The following NBAS variants were observed in gnomAD, a reference collection of about 807,000 sequenced individuals.
The protein encoded by NBAS is NAG/BC035112 fusion.
A neutral mutation model predicts 302.5 loss-of-function variants in NBAS; 219 were observed. That is an observed-to-expected ratio of 0.72 (90% CI 0.65 to 0.81). The LOEUF (loss-of-function observed/expected upper bound fraction) is 0.81, where lower values mean the gene tolerates loss of function less well. NBAS is among the 30% of genes least tolerant of loss of function. NBAS has a pLI of 0.00. For missense variants in NBAS, 2,932 were observed against 2,841.6 expected, an observed-to-expected ratio of 1.03 and a Z score of -0.72; for synonymous variants, 1,118 against 1,021.6, an observed-to-expected ratio of 1.09 and a Z score of -1.80.
chr2:14,937,702 T>G, the NBAS span, among the ~76,000 whole-genome samples: 1 of 152,098 alleles, frequency 6.6e-6, no homozygotes. Context: ...CTATTGTTAT[T>G]CTTGAGAACT....
chr2:15,062,223 T>C, the NBAS span, among the ~76,000 whole-genome samples: 1 of 152,152 alleles, frequency 6.6e-6, no homozygotes, highest in Non-Finnish European at 1.5e-5. Flanking sequence ...GGCTTTACAA[T>C]CTCACCTGCC....
chr2:15,252,775 A>G (rs1003049510), intron 44 of NBAS, among the ~76,000 whole-genome samples: 1 of 152,178 alleles, frequency 6.6e-6, no homozygotes, highest in African/African-American at 2.4e-5. Flanking sequence ...AAACACTTTC[A>G]TACTCGCTAT....
chr2:15,431,884 T>C (rs1677783774), intron 21 of NBAS, among the ~76,000 whole-genome samples: 1 of 152,164 alleles, frequency 6.6e-6, no homozygotes, highest in African/African-American at 2.4e-5. Context: ...AATGTCATCA[T>C]TCTTTACATT....
At chr2:15,210,888 CAT>C (rs1314320108) in intron 48 of NBAS, among the ~76,000 whole-genome samples, 1 of 152,228 alleles carries the variant, frequency 6.6e-6, no homozygotes, top group Non-Finnish European at 1.5e-5. Flanking sequence ...ACAAACTTCA[CAT>C]GTTTTCACTT....
At chr2:14,883,277 C>T in the NBAS span, among the ~76,000 whole-genome samples, 1 of 152,148 alleles carries the variant, frequency 6.6e-6, no homozygotes, top group Non-Finnish European at 1.5e-5. Flanking sequence ...TCATATATTT[C>T]TAACTCATAC....
the NBAS span, among the ~76,000 whole-genome samples, chr2:14,785,811 G>A: frequency 5.3e-5 from 8 of 152,046 alleles, no homozygotes; most frequent in African/African-American, 1.9e-4. Context: ...GCCCAGCTTT[G>A]GTATCAGGAT....
At chr2:15,520,696 T>A (rs963421115) in intron 9 of NBAS, among the ~76,000 whole-genome samples, 2 of 152,204 alleles carry the variant, frequency 1.3e-5, no homozygotes, top group African/African-American at 4.8e-5. Flanking sequence ...GAAATTTGAA[T>A]TTCATATGAT....
At chr2:15,301,263 G>C (rs1670781452) in intron 40 of NBAS, among the ~76,000 whole-genome samples, 1 of 152,176 alleles carries the variant, frequency 6.6e-6, no homozygotes, top group South Asian at 2.1e-4. Context: ...CTTTTTACCA[G>C]AGTAACCTTG....
chr2:14,972,224 C>T, the NBAS span, among the ~76,000 whole-genome samples: 1 of 152,190 alleles, frequency 6.6e-6, no homozygotes, highest in South Asian at 2.1e-4. Context: ...ACTGCATGTT[C>T]TTACTCATAA....
the NBAS span, among the ~76,000 whole-genome samples, chr2:14,823,002 G>A: frequency 1.3e-5 from 2 of 152,182 alleles, no homozygotes; most frequent in Admixed American, 1.3e-4. Context: ...CCAAAGTCTG[G>A]TAGCAGCATC....
At chr2:15,386,405 A>G (rs1315690244) in intron 28 of NBAS, among the ~76,000 whole-genome samples, 1 of 152,220 alleles carries the variant, frequency 6.6e-6, no homozygotes, top group Non-Finnish European at 1.5e-5. Flanking sequence ...CTGAATCTCT[A>G]AATCCTAAAA....
At chr2:15,075,128 T>C in the NBAS span, among the ~76,000 whole-genome samples, 1 of 152,230 alleles carries the variant, frequency 6.6e-6, no homozygotes, top group Non-Finnish European at 1.5e-5. Context: ...AGTGCCTTTT[T>C]GGTAATAGCA....
At chr2:15,156,019 T>C in the NBAS span, among the ~76,000 whole-genome samples, 3 of 152,198 alleles carry the variant, frequency 2.0e-5, no homozygotes, top group African/African-American at 2.4e-5. Context: ...CTCTCTTTCA[T>C]AGTGGTGGGT....
At chr2:15,316,193 A>C (rs1671500558) in intron 38 of NBAS, among the ~76,000 whole-genome samples, 1 of 152,210 alleles carries the variant, frequency 6.6e-6, no homozygotes, top group Admixed American at 6.5e-5. Flanking sequence ...AATATAAAGC[A>C]TTGTCTAAAC....
At chr2:15,131,958 G>A in the NBAS span, among the ~76,000 whole-genome samples, 4 of 152,152 alleles carry the variant, frequency 2.6e-5, no homozygotes, top group African/African-American at 4.8e-5. Flanking sequence ...CAGCACCAAC[G>A]AGGGATCCAC....
At chr2:14,910,261 G>A in the NBAS span, among the ~76,000 whole-genome samples, 3 of 152,308 alleles carry the variant, frequency 2.0e-5, no homozygotes, top group Non-Finnish European at 4.4e-5. Flanking sequence ...TGTGAAAACC[G>A]AGGTGCAAAG....
the NBAS span, among the ~76,000 whole-genome samples, chr2:15,041,681 A>G: frequency 4.6e-5 from 7 of 152,180 alleles, no homozygotes. Context: ...CACCAGTTGA[A>G]AAAGCAAACA....
chr2:15,418,695 G>A (rs1677062511), intron 23 of NBAS, among the ~76,000 whole-genome samples: 1 of 152,154 alleles, frequency 6.6e-6, no homozygotes, highest in Non-Finnish European at 1.5e-5. Context: ...TTTGTGAGGT[G>A]AGGAAGGAAG....
intron 50 of NBAS, among the ~76,000 whole-genome samples, chr2:15,181,084 T>C (rs1664797879): frequency 6.6e-6 from 1 of 152,228 alleles, no homozygotes; most frequent in African/African-American, 2.4e-5. Flanking sequence ...GGCAAGAATA[T>C]TGTTCCTTCT....
Sources: allele counts gnomAD v4.1 joint callset (sites outside exome capture counted in the v4.1 genomes callset), GRCh38; gene constraint gnomAD v4.1.1; transcripts MANE v1.5; gene names NCBI Gene and HGNC (gene_info 2026-07-23, HGNC 2026-07-21).